The following CCDC169 variants were observed in gnomAD, a reference collection of about 807,000 sequenced individuals.
The protein encoded by CCDC169 is coiled-coil domain-containing protein 169.
In CCDC169, 30 loss-of-function variants were observed where a neutral mutation model predicts 36.0. The observed-to-expected ratio is 0.83, with a 90% CI of 0.62 to 1.13. The LOEUF is 1.13. CCDC169 is among the 50% of genes most tolerant of loss of function. The pLI is 0.00. For missense variants in CCDC169, 245 were observed against 245.9 expected, an observed-to-expected ratio of 1.00 and a Z score of 0.03; for synonymous variants, 85 against 81.5, an observed-to-expected ratio of 1.04 and a Z score of -0.23.
intron 4 of CCDC169, among the ~76,000 whole-genome samples, chr13:36,266,690 T>C (rs1875361912): frequency 6.6e-6 from 1 of 152,226 alleles, no homozygotes; most frequent in Non-Finnish European, 1.5e-5. Context: ...ATTATCCTTA[T>C]GTAGGGTGTC....
rs1376788573 is a variant in CCDC169 at position 36,237,903 on chromosome 13, G to C, written c.546-6611C>G. ...TATGCTGTACAGGTTTGTAACTTAG[G>C]AGCAAGAGGCTATACCATATAGCTA... On this transcript the variant is annotated intron_variant, in intron 7 of 7. Transcript: ENST00000239859. Among the ~76,000 whole-genome samples the C allele has an allele frequency of 3.9e-5, 6 of 152,174 alleles. No individual in the cohort carries two copies. In the East Asian group the frequency reaches 1.2e-3, roughly 29 times the overall value.
At chr13:36,269,437 C>G (rs766053020) in intron 4 of CCDC169, among the ~76,000 whole-genome samples, 10 of 152,222 alleles carry the variant, frequency 6.6e-5, no homozygotes, top group Non-Finnish European at 1.3e-4. Context: ...GCCAGTATCA[C>G]CCTGATACTA....
At chr13:36,292,143 A>AG (rs1274479724) in intron 2 of CCDC169, among the ~76,000 whole-genome samples, 24 of 152,090 alleles carry the variant, frequency 1.6e-4, no homozygotes, top group Admixed American at 1.2e-3. Flanking sequence ...ACCCACCACC[A>AG]CACCTGACTA....
At chr13:36,258,875 T>G (rs1016229555) in intron 4 of CCDC169, among the ~76,000 whole-genome samples, 3 of 152,200 alleles carry the variant, frequency 2.0e-5, no homozygotes, top group Non-Finnish European at 2.9e-5. Flanking sequence ...AACCCTCTCT[T>G]GCAGTCTGGA....
At chr13:36,231,856 T>C (rs572193222) in intron 7 of CCDC169, among the ~76,000 whole-genome samples, 1 of 152,346 alleles carries the variant, frequency 6.6e-6, no homozygotes, top group Admixed American at 6.5e-5. Context: ...TTCTTGTCTC[T>C]TCTCATATAT....
intron 7 of CCDC169, among the ~76,000 whole-genome samples, chr13:36,241,990 C>G (rs533147804): frequency 6.6e-6 from 1 of 152,098 alleles, no homozygotes; most frequent in Admixed American, 6.6e-5. Context: ...CCCATTCACT[C>G]TCTCTTCTGC....
chr13:36,230,822 C>T lies in CCDC169; in HGVS notation c.*371G>A. On this transcript the variant is annotated 3_prime_UTR_variant, in exon 8 of 8. Coordinates refer to ENST00000239859, the MANE Select transcript of CCDC169 (RefSeq NM_001144981.3). ...TTAAAAAACTGAGCAAGATCCAGCC[C>T]AAAATGGCAAAAAGGTTTTATGAAT... 1 of 990,108 alleles carries T rather than the reference C, an allele frequency of 1.0e-6. No individual in the cohort carries two copies. Among genetic ancestry groups the T allele is most frequent in the Non-Finnish European group, 1.2e-6 (1 of 833,370 alleles). The allele number at this position is 990,108 out of a possible 1,614,324, so 61.3% of individuals were successfully genotyped here.
intron 1 of CCDC169, among the ~76,000 whole-genome samples, chr13:36,297,351 A>C (rs968896856): frequency 8.5e-5 from 13 of 152,194 alleles, no homozygotes; most frequent in Admixed American, 6.5e-5. Context: ...AACCAAACAC[A>C]ACTTTTGGCA....
At chr13:36,285,324 G>A (rs545203431) in intron 2 of CCDC169, among the ~76,000 whole-genome samples, 24 of 151,978 alleles carry the variant, frequency 1.6e-4, no homozygotes, top group South Asian at 4.1e-4. Flanking sequence ...TGAGGCTGGT[G>A]GATCACTTGA....
chr13:36,292,895 A>G (rs1395684134), intron 2 of CCDC169, among the ~76,000 whole-genome samples: 1 of 152,200 alleles, frequency 6.6e-6, no homozygotes, highest in East Asian at 1.9e-4. Flanking sequence ...CTACTCCACA[A>G]AGGGAGGAGA....
chr13:36,270,772 C>A (rs1238316362), intron 4 of CCDC169, among the ~76,000 whole-genome samples: 1 of 145,506 alleles, frequency 6.9e-6, no homozygotes, highest in African/African-American at 2.5e-5. Context: ...AAAATCAACT[C>A]AAGATGGATC....
intron 4 of CCDC169, among the ~76,000 whole-genome samples, chr13:36,261,035 T>C (rs919477082): frequency 1.3e-5 from 2 of 152,162 alleles, no homozygotes; most frequent in African/African-American, 4.8e-5. Context: ...AAGAGGTATG[T>C]GGATGGTCCT....
intron 4 of CCDC169, among the ~76,000 whole-genome samples, chr13:36,258,946 T>C (rs553341814): frequency 6.6e-6 from 1 of 152,222 alleles, no homozygotes. Flanking sequence ...CCATGTCATC[T>C]GTCACAGGTG....
intron 2 of CCDC169, among the ~76,000 whole-genome samples, chr13:36,285,266 C>T (rs922207295): frequency 1.3e-5 from 2 of 151,984 alleles, no homozygotes; most frequent in Admixed American, 1.3e-4. Flanking sequence ...ATAGACAAGC[C>T]AGCCAGGCAC....
At chr13:36,256,266 T>TC (rs1459824935) in intron 4 of CCDC169, among the ~76,000 whole-genome samples, 4 of 152,206 alleles carry the variant, frequency 2.6e-5, no homozygotes, top group Admixed American at 2.0e-4. Flanking sequence ...TAGTTCGTTC[T>TC]CATGCTGCTA....
chr13:36,253,244 T>C (rs1281107992), intron 6 of CCDC169, among the ~76,000 whole-genome samples: 3 of 152,254 alleles, frequency 2.0e-5, no homozygotes, highest in Admixed American at 2.0e-4. Flanking sequence ...GCTACCTGTT[T>C]GAATTCTAGT....
intron 4 of CCDC169, among the ~76,000 whole-genome samples, chr13:36,266,195 T>C (rs940323046): frequency 6.6e-5 from 10 of 152,170 alleles, no homozygotes. Flanking sequence ...CCTCTGTTCT[T>C]GCTTTTCTTT....
chr13:36,251,383 A>G (rs964104113), intron 6 of CCDC169, among the ~76,000 whole-genome samples: 20 of 152,192 alleles, frequency 1.3e-4, no homozygotes, highest in Non-Finnish European at 2.5e-4. Context: ...AATCTTTAAC[A>G]TTTATACTGG....
chr13:36,224,680 G>A (rs1869770448), downstream of CCDC169: 1 of 152,126 alleles, frequency 6.6e-6, no homozygotes. Flanking sequence ...TATTCATGGG[G>A]TGGAAGAATC....
Sources: allele counts gnomAD v4.1 joint callset (sites outside exome capture counted in the v4.1 genomes callset), GRCh38; gene constraint gnomAD v4.1.1; transcripts MANE v1.5; gene names NCBI Gene and HGNC (gene_info 2026-07-23, HGNC 2026-07-21).